MICU1: variants seen among roughly 807,000 people sequenced by gnomAD.
The protein encoded by MICU1 is calcium uptake protein 1, mitochondrial.
MICU1 carries 45 observed loss-of-function variants against 56.8 expected under a neutral mutation model. The ratio of observed to expected loss-of-function variants is 0.79; its 90% CI spans 0.62 to 1.02. The LOEUF (loss-of-function observed/expected upper bound fraction) is 1.02. Ranked by LOEUF, MICU1 falls within the 50% of genes least tolerant of loss-of-function variation. The probability of loss-of-function intolerance (pLI) is 0.00; values close to 1 mark genes in which losing one functional copy is unlikely to be tolerated. For missense variants in MICU1, 504 were observed against 587.1 expected, an observed-to-expected ratio of 0.86 and a Z score of 1.46; for synonymous variants, 186 against 195.1, an observed-to-expected ratio of 0.95 and a Z score of 0.39.
At chr10:72,432,728 G>A (rs1416027995) in intron 8 of MICU1, among the ~76,000 whole-genome samples, 4 of 152,092 alleles carry the variant, frequency 2.6e-5, no homozygotes, top group Admixed American at 1.3e-4. Context: ...CTATGGGGAC[G>A]GCACCAGGCC....
chr10:72,429,718 A>G (rs763159493), intron 8 of MICU1, among the ~76,000 whole-genome samples: 3 of 152,296 alleles, frequency 2.0e-5, no homozygotes, highest in Admixed American at 2.0e-4. Context: ...TTATCTCTTA[A>G]TATCTACCTC....
intron 5 of MICU1, among the ~76,000 whole-genome samples, chr10:72,527,280 T>C (rs1280631350): frequency 1.3e-5 from 2 of 152,168 alleles, no homozygotes; most frequent in Non-Finnish European, 2.9e-5. Context: ...GAAGGTGGTA[T>C]CACATAGTGT....
In MICU1 at chr10:72,408,002, A is replaced by G. The variant is rs1194992875; in HGVS notation, c.1107T>C (p.Thr369=). 1 of 1,613,684 alleles carries G rather than the reference A, an allele frequency of 6.2e-7. No homozygotes were observed. The highest frequency in any genetic ancestry group is 1.7e-5 in the Admixed American group (1 of 60,004). ...CCACATCATTAATGTTCTTTAGGAA[A>G]GTAAAGAAGTTCTCCACCTCCTGAA... ...LTFQEVENFF[T]FLKNINDVDT... The change falls in exon 10 of 12, where the codon ACT becomes ACC. Residue 369 remains threonine (T), a synonymous_variant. Coordinates refer to ENST00000361114, the MANE Select transcript of MICU1 (RefSeq NM_001195518.2).
chr10:72,393,751 A>C (rs1863156692), intron 10 of MICU1, among the ~76,000 whole-genome samples: 1 of 151,518 alleles, frequency 6.6e-6, no homozygotes, highest in African/African-American at 2.4e-5. Flanking sequence ...GAATCAAGGA[A>C]AGTACCTATT....
intron 5 of MICU1, among the ~76,000 whole-genome samples, chr10:72,514,512 T>C (rs1427462381): frequency 1.3e-5 from 2 of 152,204 alleles, no homozygotes; most frequent in Non-Finnish European, 2.9e-5. Flanking sequence ...GTTGTTTGTT[T>C]AATGACTTTA....
chr10:72,526,028 G>C (rs1249281494), intron 5 of MICU1, among the ~76,000 whole-genome samples: 2 of 151,656 alleles, frequency 1.3e-5, no homozygotes, highest in Non-Finnish European at 2.9e-5. Flanking sequence ...AGAGTACTGA[G>C]ATACTCAAAA....
intron 8 of MICU1, among the ~76,000 whole-genome samples, chr10:72,428,823 A>G (rs1864433274): frequency 6.6e-6 from 1 of 152,178 alleles, no homozygotes; most frequent in African/African-American, 2.4e-5. Flanking sequence ...GTCAGGGAAA[A>G]ATATTTTAGA....
intron 10 of MICU1, among the ~76,000 whole-genome samples, chr10:72,381,151 C>A (rs1320013504): frequency 1.3e-5 from 2 of 152,192 alleles, no homozygotes; most frequent in African/African-American, 4.8e-5. Flanking sequence ...GAGCTACCTG[C>A]CTCTTCCTAA....
chr10:72,469,295 C>G (rs968550141), intron 8 of MICU1, among the ~76,000 whole-genome samples: 3 of 152,140 alleles, frequency 2.0e-5, no homozygotes, highest in Non-Finnish European at 2.9e-5. Context: ...AACAATAAAT[C>G]TCCTGGATCT....
intron 2 of MICU1, among the ~76,000 whole-genome samples, chr10:72,565,653 T>A (rs1840412635): frequency 6.6e-6 from 1 of 151,152 alleles, no homozygotes; most frequent in Admixed American, 6.6e-5. Context: ...AAAAAAAAAA[T>A]TAGCCATGGT....
intron 8 of MICU1, among the ~76,000 whole-genome samples, chr10:72,432,552 CCT>C: frequency 6.6e-6 from 1 of 152,112 alleles, no homozygotes; most frequent in South Asian, 2.1e-4. Context: ...ATGGTGCCAG[CCT>C]CTGCTTCTGG....
At chr10:72,468,971 C>T (rs2132255112) in intron 8 of MICU1, among the ~76,000 whole-genome samples, 1 of 152,272 alleles carries the variant, frequency 6.6e-6, no homozygotes, top group Non-Finnish European at 1.5e-5. Context: ...GTCTGAAAGA[C>T]AGTGTGAAGT....
chr10:72,371,254 G>A (rs558317963), intron 11 of MICU1, among the ~76,000 whole-genome samples: 1 of 151,876 alleles, frequency 6.6e-6, no homozygotes, highest in African/African-American at 2.4e-5. Context: ...GGGCGTGGTG[G>A]CGGGTGCCTG....
intron 1 of MICU1, among the ~76,000 whole-genome samples, chr10:72,625,242 T>C (rs911715161): frequency 3.3e-5 from 5 of 152,236 alleles, no homozygotes; most frequent in Admixed American, 2.6e-4. Flanking sequence ...CCCTTAGCTA[T>C]AAGATATTTA....
At position 72,578,421 on chromosome 10, in the gene MICU1, C is replaced by CTTT. The variant is rs34573464; in HGVS notation, c.-1-11630_-1-11628dup. Among the ~76,000 whole-genome samples the CTTT allele has an allele frequency of 1.9e-3, 259 of 134,652 alleles. 5 individuals are homozygous for CTTT. The highest frequency in any genetic ancestry group is 7.7e-3 in the Middle Eastern group (2 of 260). 88.3% of individuals were successfully genotyped at this position (134,652 alleles called of 152,430 possible). The stretch of plus-strand genomic sequence containing the variant: ...TACAGGCATGTGCCACCATGCCTGG[C>CTTT]TTTTTTTTTTTTTTTGTATTTTTAG... On this transcript the variant is annotated intron_variant, in intron 1 of 11. Coordinates refer to ENST00000361114, the MANE Select transcript of MICU1 (RefSeq NM_001195518.2).
intron 1 of MICU1, among the ~76,000 whole-genome samples, chr10:72,594,800 C>T (rs960833505): frequency 6.6e-6 from 1 of 151,620 alleles, no homozygotes; most frequent in African/African-American, 2.4e-5. Context: ...GTCCCAGCTA[C>T]TGGGGAGGCT....
chr10:72,594,215 T>C (rs1004988906), intron 1 of MICU1, among the ~76,000 whole-genome samples: 2 of 152,166 alleles, frequency 1.3e-5, no homozygotes, highest in Non-Finnish European at 2.9e-5. Flanking sequence ...ACATACGTGG[T>C]CACATGATTT....
intron 10 of MICU1, among the ~76,000 whole-genome samples, chr10:72,394,167 G>C (rs1422928409): frequency 1.3e-5 from 2 of 151,984 alleles, no homozygotes; most frequent in African/African-American, 4.8e-5. Flanking sequence ...AATCATGCCT[G>C]ACTTAGAGCC....
rs78100423 is a variant in MICU1 at position 72,469,709 on chromosome 10, T to G, written c.933+5391A>C. ...GCCCAGTGGTGTTAGGTATGAAATA[T>G]TTTATTAGTTTGCTAAGGCTCCCAT... is the stretch of plus-strand genomic sequence containing the variant. On this transcript the variant is annotated intron_variant, in intron 8 of 11. Coordinates refer to ENST00000361114, the MANE Select transcript of MICU1 (RefSeq NM_001195518.2). Among the ~76,000 whole-genome samples the G allele has an allele frequency of 5.4e-3, 825 of 152,312 alleles. 5 individuals are homozygous for G. The highest frequency in any genetic ancestry group is 0.027 in the East Asian group (139 of 5,188).
Sources: gnomAD v4.1 joint callset for allele counts (sites outside exome capture counted in the v4.1 genomes callset) on GRCh38, gnomAD v4.1.1 for gene constraint, MANE v1.5 for transcripts, NCBI Gene and HGNC (gene_info 2026-07-23, HGNC 2026-07-21) for gene names.